The following TLE4 variants were observed in gnomAD, a reference collection of about 807,000 sequenced individuals.
The protein encoded by TLE4 is TLE family member 4, transcriptional corepressor, also known as transducin-like enhancer protein 4.
Under a neutral mutation model 92.8 loss-of-function variants are expected in TLE4, and 8 were observed. The ratio of observed to expected loss-of-function variants is 0.09; its 90% CI spans 0.05 to 0.16. The LOEUF is 0.16. Ranked by LOEUF, TLE4 falls within the 10% of genes least tolerant of loss-of-function variation. The probability of loss-of-function intolerance (pLI) is 1.00; values close to 1 mark genes in which losing one functional copy is unlikely to be tolerated. For synonymous variants in TLE4, 371 were observed against 374.1 expected (o/e 0.99, Z 0.10); for missense variants, 675 against 997.6 (o/e 0.68, Z 4.36).
At chr9:79,598,241 T>A (rs1331580971) in intron 4 of TLE4, among the ~76,000 whole-genome samples, 4 of 123,772 alleles carry the variant, frequency 3.2e-5, no homozygotes, top group African/African-American at 1.3e-4. Flanking sequence ...AGAGCAAGAC[T>A]CCGTCTCAAA....
intron 11 of TLE4, chr9:79,707,313 A>G (rs1468037781): frequency 3.0e-6 from 3 of 1,012,698 alleles, no homozygotes; most frequent in South Asian, 1.4e-5. Flanking sequence ...CTTCCTATCT[A>G]AAAAGTAATC....
At chr9:79,642,305 C>T (rs867573462) in intron 6 of TLE4, among the ~76,000 whole-genome samples, 13 of 151,922 alleles carry the variant, frequency 8.6e-5, no homozygotes, top group Admixed American at 1.3e-4. Context: ...AATATAGTGG[C>T]TATTCATAGG....
chr9:79,599,633 A>G lies in TLE4; in HGVS notation c.253-13023A>G, dbSNP rs577602100. Among the ~76,000 whole-genome samples, 27 of 152,346 alleles carry G rather than the reference A, an allele frequency of 1.8e-4. No homozygotes were observed. In the South Asian group the frequency reaches 1.9e-3, roughly 11 times the overall value. On this transcript the variant is annotated intron_variant, in intron 4 of 19. Transcript: ENST00000376552. ...TGTACAACGAACACTATCAAATGAA[A>G]GGCTCTAAGATACCCAACAGTAAAG...
At chr9:79,629,755 C>T (rs567061854) in intron 6 of TLE4, among the ~76,000 whole-genome samples, 3 of 152,100 alleles carry the variant, frequency 2.0e-5, no homozygotes, top group Non-Finnish European at 4.4e-5. Context: ...AACCACAAAC[C>T]AAGTGAGAAG....
At chr9:79,628,514 G>A (rs62569303) in intron 6 of TLE4, among the ~76,000 whole-genome samples, 1,788 of 151,748 alleles carry the variant, frequency 0.012, 13 homozygotes, top group Non-Finnish European at 0.019. Flanking sequence ...TGTTGAGGGC[G>A]CCATAGTCTG....
At chr9:79,642,317 A>G (rs1053480984) in intron 6 of TLE4, among the ~76,000 whole-genome samples, 7 of 152,006 alleles carry the variant, frequency 4.6e-5, no homozygotes, top group Admixed American at 1.3e-4. Flanking sequence ...ATTCATAGGT[A>G]TAATCATAGG....
At chr9:79,603,851 C>T in intron 4 of TLE4, among the ~76,000 whole-genome samples, 1 of 152,066 alleles carries the variant, frequency 6.6e-6, no homozygotes. Context: ...AAGCTATCTG[C>T]CATGGAGCCT....
At chr9:79,713,106 C>T (rs2073732412) in intron 14 of TLE4, among the ~76,000 whole-genome samples, 1 of 152,202 alleles carries the variant, frequency 6.6e-6, no homozygotes, top group Non-Finnish European at 1.5e-5. Flanking sequence ...CCAGACCTCT[C>T]ATTGTGACCT....
chr9:79,591,996 C>T (rs571847068), intron 4 of TLE4, among the ~76,000 whole-genome samples: 1 of 152,228 alleles, frequency 6.6e-6, no homozygotes, highest in East Asian at 1.9e-4. Context: ...GGATTCTTTC[C>T]ACATCTTCTG....
intron 4 of TLE4, among the ~76,000 whole-genome samples, chr9:79,605,001 T>TGA (rs2046473297): frequency 6.6e-6 from 1 of 151,120 alleles, no homozygotes; most frequent in Admixed American, 6.6e-5. Context: ...GGAAGGTGTG[T>TGA]GAGAGAGAGA....
At chr9:79,678,626 T>A (rs551553542) in intron 8 of TLE4, among the ~76,000 whole-genome samples, 240 of 151,804 alleles carry the variant, frequency 1.6e-3, no homozygotes, top group African/African-American at 5.0e-3. Context: ...TTCTTTTTTT[T>A]TTATTATTAT....
At position 79,572,751 on chromosome 9, in the gene TLE4, C is replaced by T. The variant is rs1265524006; in HGVS notation, c.-40C>T. 5.7e-6 allele frequency: 9 copies of T among 1,590,250 alleles called. No homozygotes were observed. The highest frequency in any genetic ancestry group is 7.7e-6 in the Non-Finnish European group (9 of 1,169,236). Reference sequence around the variant, plus strand: ...TTCGGGGTCATTAAAGCCAATGAGCCGCGCGCCTCTGCCGAGCGCAGCCAA... The same window carrying T: ...TTCGGGGTCATTAAAGCCAATGAGCTGCGCGCCTCTGCCGAGCGCAGCCAA... On this transcript the variant is annotated 5_prime_UTR_variant, in exon 1 of 20. Transcript: ENST00000376552.
chr9:79,573,125 G>A (rs117665650), intron 1 of TLE4: 81 of 638,456 alleles, frequency 1.3e-4, no homozygotes, highest in African/African-American at 1.3e-3. Flanking sequence ...CTCCTCGAGG[G>A]GGGGTGGCGA....
At chr9:79,714,780 G>A (rs2074136439) in intron 14 of TLE4, among the ~76,000 whole-genome samples, 1 of 152,232 alleles carries the variant, frequency 6.6e-6, no homozygotes, top group Non-Finnish European at 1.5e-5. Context: ...TTGCGTCAGA[G>A]TATATGGATG....
Position 79,666,163 on chromosome 9 carries a change from CTGTGTGTGTGTG to C in TLE4, c.609+12111_609+12122del, listed in dbSNP as rs34558090. Among the ~76,000 whole-genome samples, 398 of 126,470 alleles carry C rather than the reference CTGTGTGTGTGTG, an allele frequency of 3.1e-3. 2 individuals carry two copies. The highest frequency in any genetic ancestry group is 0.011 in the African/African-American group (374 of 33,416). 83.0% of individuals were successfully genotyped at this position (126,470 alleles called of 152,430 possible). Reference sequence around the variant, plus strand: ...TATGAATCTCTGCTGTTTCCTTCATCTGTGTGTGTGTGTGTGTGTGTGTGTGTGTGTGTGGGT... The same window carrying C: ...TATGAATCTCTGCTGTTTCCTTCATCTGTGTGTGTGTGTGTGTGTGTGGGT... On this transcript the variant is annotated intron_variant, in intron 8 of 19. Coordinates refer to ENST00000376552, the MANE Select transcript of TLE4 (RefSeq NM_007005.6).
At chr9:79,690,779 C>CGCTTTTTTTTTTTTTTTTTTTTTTTTTTT (rs2066893971) in intron 8 of TLE4, among the ~76,000 whole-genome samples, 1 of 54,152 alleles carries the variant, frequency 1.8e-5, no homozygotes, top group South Asian at 1.2e-3. Flanking sequence ...CCACTCCTGG[C>CGCTTTTTTTTTTTTTTTTTTTTTTTTTTT]TTTTTTTTTT....
At chr9:79,714,647 T>G (rs1337099570) in intron 14 of TLE4, among the ~76,000 whole-genome samples, 2 of 152,246 alleles carry the variant, frequency 1.3e-5, no homozygotes, top group East Asian at 1.9e-4. Context: ...CAGAATACTT[T>G]CCATTAGAAT....
chr9:79,573,884 C>A, intron 2 of TLE4, 98 bp downstream of exon 2: 2 of 821,016 alleles, frequency 2.4e-6, no homozygotes, highest in Non-Finnish European at 3.5e-6. Flanking sequence ...TTTGTGGGGG[C>A]GTCACAAAGG....
At chr9:79,576,329 G>A (rs912082715) in intron 4 of TLE4, 152 bp downstream of exon 4, 20 of 421,900 alleles carry the variant, frequency 4.7e-5, no homozygotes, top group African/African-American at 3.9e-4. Context: ...TTTTTCATGT[G>A]TGGCTCCCCA....
Sources: gnomAD v4.1 joint callset for allele counts (sites outside exome capture counted in the v4.1 genomes callset) on GRCh38, gnomAD v4.1.1 for gene constraint, MANE v1.5 for transcripts, NCBI Gene and HGNC (gene_info 2026-07-23, HGNC 2026-07-21) for gene names.